GASK1B: variants seen among roughly 807,000 people sequenced by gnomAD.
GASK1B encodes the protein golgi associated kinase 1B.
Under a neutral mutation model 42.8 loss-of-function variants are expected in GASK1B, and 34 were observed. The observed-to-expected ratio is 0.79, with a 90% CI of 0.60 to 1.06. The LOEUF is 1.06. Among genes scored for constraint, GASK1B ranks in the 50% least tolerant of loss-of-function variants. The pLI is 0.00. For missense variants in GASK1B, 686 were observed against 661.0 expected (o/e 1.04, Z -0.42); for synonymous variants, 262 against 259.1 (o/e 1.01, Z -0.11).
At chr4:158,164,464 G>C (rs1732149532) in intron 2 of GASK1B, among the ~76,000 whole-genome samples, 1 of 152,162 alleles carries the variant, frequency 6.6e-6, no homozygotes, top group Admixed American at 6.5e-5. Flanking sequence ...GAGGACACTG[G>C]AGCACAGCGC....
At chr4:158,130,277 C>T (rs574082793) in intron 4 of GASK1B, among the ~76,000 whole-genome samples, 1 of 152,212 alleles carries the variant, frequency 6.6e-6, no homozygotes, top group African/African-American at 2.4e-5. Flanking sequence ...CTACAGCCAG[C>T]TTTCCTCTGA....
chr4:158,171,436 T>A lies in GASK1B; in HGVS notation c.-61A>T, dbSNP rs992959610. ...AGTCTGCAGTTGGCTCCTGCTAATG[T>A]GATGCATGGTTTCCTGACTTCAGCT... is the stretch of plus-strand genomic sequence containing the variant. On this transcript the variant is annotated 5_prime_UTR_variant, in exon 2 of 5. Coordinates refer to ENST00000585682, the MANE Select transcript of GASK1B (RefSeq NM_001128424.2). 1.3e-5 allele frequency: 19 copies of A among 1,486,320 alleles called. No homozygotes were observed. In the African/African-American group the frequency reaches 2.7e-4, roughly 21 times the overall value. 92.1% of individuals were successfully genotyped at this position (1,486,320 alleles called of 1,614,324 possible). A position where few individuals can be genotyped will look rare whatever the true frequency, so the allele number is the denominator to read the frequency against.
chr4:158,170,409 A>G (rs755380757), intron 2 of GASK1B, 57 bp downstream of exon 2: 2 of 1,614,208 alleles, frequency 1.2e-6, no homozygotes, highest in East Asian at 2.2e-5. Context: ...GAGGGAAAAA[A>G]GAAAATGAAC....
At chr4:158,150,418 A>G (rs937341872) in intron 3 of GASK1B, among the ~76,000 whole-genome samples, 2 of 152,096 alleles carry the variant, frequency 1.3e-5, no homozygotes, top group African/African-American at 4.8e-5. Context: ...ACATAAACAC[A>G]CTATCTGAAG....
At chr4:158,165,550 C>T (rs1007494622) in intron 2 of GASK1B, among the ~76,000 whole-genome samples, 3 of 151,984 alleles carry the variant, frequency 2.0e-5, no homozygotes, top group African/African-American at 7.3e-5. Context: ...AATGATACAT[C>T]AATACTGCAC....
chr4:158,156,943 T>A (rs1731782166), intron 2 of GASK1B, among the ~76,000 whole-genome samples: 1 of 152,122 alleles, frequency 6.6e-6, no homozygotes, highest in Non-Finnish European at 1.5e-5. Flanking sequence ...CTTTATGGCC[T>A]ATTAGAAACT....
chr4:158,127,723 T>C (rs771320194), intron 4 of GASK1B, 109 bp from the exon 5 acceptor site: 6 of 973,212 alleles, frequency 6.2e-6, no homozygotes, highest in South Asian at 5.2e-5. Context: ...TAACAAATGG[T>C]ATCTTTGAGA....
intron 4 of GASK1B, among the ~76,000 whole-genome samples, chr4:158,128,861 G>A (rs1730559985): frequency 6.6e-6 from 1 of 152,200 alleles, no homozygotes; most frequent in Non-Finnish European, 1.5e-5. Context: ...CTCAACTTTA[G>A]GGGCTCTAGT....
intron 3 of GASK1B, among the ~76,000 whole-genome samples, chr4:158,137,051 T>G (rs1425782455): frequency 6.6e-6 from 1 of 152,190 alleles, no homozygotes; most frequent in African/African-American, 2.4e-5. Flanking sequence ...CGGATTTTTT[T>G]AAATGCAGCA....
chr4:158,124,764 C>T lies in GASK1B; in HGVS notation c.*2643G>A, dbSNP rs1372193872. On this transcript the variant is annotated 3_prime_UTR_variant, in exon 5 of 5. Coordinates refer to ENST00000585682, the MANE Select transcript of GASK1B (RefSeq NM_001128424.2). ...CTTGACTCTCTTTCTTTTTTCACCGCTAAAGGTAGCAAACATTCCTCTGTA... is the reference window on the plus strand; with the variant it reads ...CTTGACTCTCTTTCTTTTTTCACCGTTAAAGGTAGCAAACATTCCTCTGTA... 1 of 152,130 alleles carries T rather than the reference C, an allele frequency of 6.6e-6. No individual in the cohort carries two copies. Among genetic ancestry groups the T allele is most frequent in the Non-Finnish European group, 1.5e-5 (1 of 68,002 alleles). The allele number at this position is 152,130 out of a possible 1,614,324, so 9.4% of individuals were successfully genotyped here.
intron 2 of GASK1B, among the ~76,000 whole-genome samples, chr4:158,165,516 A>G (rs1051613821): frequency 1.3e-5 from 2 of 152,180 alleles, no homozygotes; most frequent in Non-Finnish European, 2.9e-5. Flanking sequence ...GGTTTGCATT[A>G]AAAAAACTTG....
At chr4:158,162,258 GTTTTTATCACACA>G (rs1288466029) in intron 2 of GASK1B, among the ~76,000 whole-genome samples, 1 of 152,124 alleles carries the variant, frequency 6.6e-6, no homozygotes, top group East Asian at 1.9e-4. Context: ...CTCCATTGAG[GTTTTTATCACACA>G]TTTTTTGTAA....
At chr4:158,128,516 A>G (rs183078393) in intron 4 of GASK1B, among the ~76,000 whole-genome samples, 10 of 152,352 alleles carry the variant, frequency 6.6e-5, no homozygotes, top group Admixed American at 5.9e-4. Flanking sequence ...TGCTGATAAA[A>G]GCACAGTAAA....
chr4:158,170,882 C>T lies in GASK1B; in HGVS notation c.494G>A (p.Gly165Glu). 6.2e-7 allele frequency: 1 copy of T among 1,614,224 alleles called. No homozygotes were observed. Among genetic ancestry groups the T allele is most frequent in the Non-Finnish European group, 8.5e-7 (1 of 1,180,052 alleles). The stretch of plus-strand genomic sequence containing the variant: ...AACCAGGTTTGCTCCCTGAGCGTAC[C>T]CAGGTGCTACAGCATCAGCTTCCCT... Reference protein sequence around the residue: ...AAREADAVAPGYAQGANLVKI... With the variant: ...AAREADAVAPEYAQGANLVKI... The change falls in exon 2 of 5, where the codon GGG becomes GAG. Residue 165 changes from glycine to glutamate, a missense_variant. Physicochemically the swap from Gly to Glu is moderately conservative, Grantham distance 98. Transcript: ENST00000585682.
intron 2 of GASK1B, chr4:158,169,292 T>C (rs1229098999): frequency 6.6e-6 from 1 of 152,234 alleles, no homozygotes. Flanking sequence ...GGTGGACTGC[T>C]TTATAAACTT....
chr4:158,161,006 G>A (rs1731969060), intron 2 of GASK1B, among the ~76,000 whole-genome samples: 1 of 152,058 alleles, frequency 6.6e-6, no homozygotes, highest in Non-Finnish European at 1.5e-5. Flanking sequence ...GTTTCGGTTA[G>A]ACAGGAGGGA....
rs1295656440 is a variant in GASK1B, at chr4:158,126,756, CA to C, written c.*650del. The C allele has an allele frequency of 1.3e-5, 2 of 151,876 alleles. No individual in the cohort carries two copies. Among genetic ancestry groups the C allele is most frequent in the Non-Finnish European group, 2.9e-5 (2 of 67,946 alleles). The allele number at this position is 151,876 out of a possible 1,614,324, so 9.4% of individuals were successfully genotyped here. On this transcript the variant is annotated 3_prime_UTR_variant, in exon 5 of 5. Transcript: ENST00000585682. Reference sequence around the variant, plus strand: ...ATGTGAATGATTTCCATAGGGACAACAAAATAAATTTCTAAAAAGGAATGGA... The same window carrying C: ...ATGTGAATGATTTCCATAGGGACAACAAATAAATTTCTAAAAAGGAATGGA...
intron 3 of GASK1B, among the ~76,000 whole-genome samples, chr4:158,143,519 C>T (rs1010570232): frequency 6.6e-6 from 1 of 151,584 alleles, no homozygotes; most frequent in Non-Finnish European, 1.5e-5. Flanking sequence ...TACAGCATCC[C>T]GATCTACATT....
rs892550061 is a variant in GASK1B, at chr4:158,140,215, G to A, written c.1126-9203C>T. On this transcript the variant is annotated intron_variant, in intron 3 of 4. Transcript: ENST00000585682. ...AAAATAGTTTTGCCCTTATGGACTCGCAGAAAGGCACACAAAAACCATGCC... is the reference window on the plus strand; with the variant it reads ...AAAATAGTTTTGCCCTTATGGACTCACAGAAAGGCACACAAAAACCATGCC... Among the ~76,000 whole-genome samples the A allele has an allele frequency of 1.6e-4, 25 of 152,216 alleles. No individual in the cohort carries two copies. In the South Asian group the frequency reaches 2.9e-3, roughly 18 times the overall value.
Sources: allele counts gnomAD v4.1 joint callset (sites outside exome capture counted in the v4.1 genomes callset), GRCh38; gene constraint gnomAD v4.1.1; transcripts MANE v1.5; gene names NCBI Gene and HGNC (gene_info 2026-07-23, HGNC 2026-07-21).